Variants in EPHA6 observed in about 807,000 individuals in gnomAD.
EPHA6 encodes EPH receptor A6.
In EPHA6, 50 loss-of-function variants were observed where a neutral mutation model predicts 112.0. The observed-to-expected ratio is 0.45, with a 90% CI of 0.36 to 0.56. EPHA6 has a LOEUF of 0.56. Ranked by LOEUF, EPHA6 falls within the 20% of genes least tolerant of loss-of-function variation. EPHA6 has a pLI of 0.00. For synonymous variants in EPHA6, 529 were observed against 490.7 expected (o/e 1.08, Z -1.03); for missense variants, 1,280 against 1,417.4 (o/e 0.90, Z 1.56).
chr3:97,697,458 G>A (rs1321798636), intron 14 of EPHA6, among the ~76,000 whole-genome samples: 1 of 152,158 alleles, frequency 6.6e-6, no homozygotes, highest in Non-Finnish European at 1.5e-5. Context: ...AAATGAGAAT[G>A]TATGGCTTCT....
chr3:97,562,533 G>A (rs964416962), intron 11 of EPHA6, among the ~76,000 whole-genome samples: 2 of 152,158 alleles, frequency 1.3e-5, no homozygotes, highest in Admixed American at 6.6e-5. Flanking sequence ...TAATGGACAA[G>A]GAGTTACTTC....
chr3:97,284,449 T>C (rs192854361), intron 5 of EPHA6, among the ~76,000 whole-genome samples: 1 of 152,318 alleles, frequency 6.6e-6, no homozygotes, highest in African/African-American at 2.4e-5. Context: ...GCTTCACACT[T>C]ACTTTTGTTT....
intron 5 of EPHA6, among the ~76,000 whole-genome samples, chr3:97,394,377 T>C (rs2086586037): frequency 6.6e-6 from 1 of 151,724 alleles, no homozygotes; most frequent in Non-Finnish European, 1.5e-5. Flanking sequence ...AATTTTTGGA[T>C]AACACTGCAA....
At chr3:97,428,132 A>G (rs1251842492) in intron 6 of EPHA6, among the ~76,000 whole-genome samples, 1 of 152,232 alleles carries the variant, frequency 6.6e-6, no homozygotes, top group Non-Finnish European at 1.5e-5. Flanking sequence ...CCAAAATGGT[A>G]AGCTTTAGAA....
chr3:97,343,671 G>A (rs2083413653), intron 5 of EPHA6, among the ~76,000 whole-genome samples: 2 of 152,228 alleles, frequency 1.3e-5, no homozygotes, highest in African/African-American at 2.4e-5. Context: ...TGGGACTAAA[G>A]GAAACAGAGA....
At chr3:97,149,685 A>C (rs1283830817) in intron 3 of EPHA6, among the ~76,000 whole-genome samples, 1 of 151,948 alleles carries the variant, frequency 6.6e-6, no homozygotes, top group East Asian at 1.9e-4. Flanking sequence ...CTATATGTTT[A>C]TAACAAATCT....
intron 3 of EPHA6, among the ~76,000 whole-genome samples, chr3:97,124,808 G>A (rs1165512115): frequency 1.3e-5 from 2 of 152,148 alleles, no homozygotes; most frequent in Admixed American, 1.3e-4. Flanking sequence ...GAGTTACTAA[G>A]GCCTAGTAAC....
At chr3:96,975,453 G>T (rs2042484450) in intron 2 of EPHA6, among the ~76,000 whole-genome samples, 2 of 152,138 alleles carry the variant, frequency 1.3e-5, no homozygotes, top group Admixed American at 1.3e-4. Flanking sequence ...CTGGGTAATT[G>T]ATTTTATTCT....
intron 5 of EPHA6, among the ~76,000 whole-genome samples, chr3:97,247,546 G>T (rs1043925165): frequency 6.6e-6 from 1 of 151,836 alleles, no homozygotes; most frequent in African/African-American, 2.4e-5. Context: ...AATAGAAAGT[G>T]ATTAGGTAAA....
chr3:97,160,294 T>C (rs529872660), intron 3 of EPHA6, among the ~76,000 whole-genome samples: 1 of 152,208 alleles, frequency 6.6e-6, no homozygotes, highest in African/African-American at 2.4e-5. Flanking sequence ...TTTTTTCTGT[T>C]TTTAGATGGA....
intron 5 of EPHA6, among the ~76,000 whole-genome samples, chr3:97,385,302 C>T (rs1469411496): frequency 2.0e-5 from 3 of 152,140 alleles, no homozygotes; most frequent in African/African-American, 7.2e-5. Context: ...AACCAAGTCA[C>T]TCAATATACT....
intron 10 of EPHA6, among the ~76,000 whole-genome samples, chr3:97,532,054 T>C (rs2092701606): frequency 6.6e-6 from 1 of 152,098 alleles, no homozygotes; most frequent in African/African-American, 2.4e-5. Flanking sequence ...GTGATTGCAT[T>C]TCTATAGAAT....
intron 10 of EPHA6, among the ~76,000 whole-genome samples, chr3:97,528,569 C>T (rs1044779121): frequency 7.9e-5 from 12 of 152,020 alleles, no homozygotes; most frequent in Non-Finnish European, 1.5e-4. Flanking sequence ...CCATTGGGAC[C>T]GTGGCTCTTT....
At chr3:97,003,921 C>T (rs958296899) in intron 3 of EPHA6, among the ~76,000 whole-genome samples, 2 of 151,894 alleles carry the variant, frequency 1.3e-5, no homozygotes, top group Non-Finnish European at 2.9e-5. Context: ...TGTTAGTTTG[C>T]TGAGGATGAG....
intron 1 of EPHA6, among the ~76,000 whole-genome samples, chr3:96,847,051 C>T (rs1007370039): frequency 6.6e-5 from 10 of 152,076 alleles, no homozygotes; most frequent in East Asian, 3.9e-4. Context: ...CCAGCCTTGG[C>T]GCCTGTCCAT....
At chr3:97,165,035 A>G (rs927621973) in intron 3 of EPHA6, among the ~76,000 whole-genome samples, 1 of 152,184 alleles carries the variant, frequency 6.6e-6, no homozygotes, top group Non-Finnish European at 1.5e-5. Context: ...AAGACCCTCC[A>G]CATCAGGGCC....
intron 5 of EPHA6, among the ~76,000 whole-genome samples, chr3:97,272,245 G>T (rs571956743): frequency 6.6e-6 from 1 of 152,128 alleles, no homozygotes; most frequent in South Asian, 2.1e-4. Context: ...CAGCCATGTT[G>T]TTACTAATGG....
chr3:97,364,144 A>G (rs2084572110), intron 5 of EPHA6, among the ~76,000 whole-genome samples: 1 of 152,122 alleles, frequency 6.6e-6, no homozygotes. Context: ...CTTAAAAATA[A>G]TTTAAACGGT....
At chr3:96,924,791 T>C (rs1463676488) in intron 2 of EPHA6, among the ~76,000 whole-genome samples, 1 of 152,160 alleles carries the variant, frequency 6.6e-6, no homozygotes, top group African/African-American at 2.4e-5. Flanking sequence ...ATGGCTCTTA[T>C]TATTTGCAAT....
Sources: allele counts gnomAD v4.1 joint callset (sites outside exome capture counted in the v4.1 genomes callset), GRCh38; gene constraint gnomAD v4.1.1; transcripts MANE v1.5; gene names NCBI Gene and HGNC (gene_info 2026-07-23, HGNC 2026-07-21).